The following SNX31 variants were observed in gnomAD, a reference collection of about 807,000 sequenced individuals.
The protein encoded by SNX31 is sorting nexin-31.
A neutral mutation model predicts 65.4 loss-of-function variants in SNX31; 58 were observed. The observed-to-expected ratio is 0.89, with a 90% CI of 0.72 to 1.10. SNX31 has a LOEUF of 1.10. SNX31 is among the 50% of genes least tolerant of loss of function. The pLI is 0.00. For synonymous variants in SNX31, 181 were observed against 190.1 expected, an observed-to-expected ratio of 0.95 and a Z score of 0.39; for missense variants, 523 against 529.7, an observed-to-expected ratio of 0.99 and a Z score of 0.12.
rs1236263687 is a variant in SNX31 at position 100,629,281 on chromosome 8, A to T, written c.321+1046T>A. 2.6e-5 allele frequency among the ~76,000 whole-genome samples: 4 copies of T among 152,152 alleles called. No homozygotes were observed. Among genetic ancestry groups the T allele is most frequent in the African/African-American group, 4.8e-5 (2 of 41,428 alleles). The stretch of plus-strand genomic sequence containing the variant: ...ACAACAGTTGTCACTGAGGAGGGGG[A>T]TCATAAGGGAAGAAAAGTTACTTTT... On this transcript the variant is annotated intron_variant, in intron 4 of 13. Coordinates refer to ENST00000311812, the MANE Select transcript of SNX31 (RefSeq NM_152628.4). The surrounding 1 kb of genome is among the most constrained non-coding windows in gnomAD (Gnocchi z 5.1).
intron 4 of SNX31, among the ~76,000 whole-genome samples, chr8:100,624,332 C>A (rs1817905470): frequency 6.6e-6 from 1 of 152,114 alleles, no homozygotes; most frequent in Non-Finnish European, 1.5e-5. Context: ...ATATAATTAA[C>A]CTCCATATTT....
chr8:100,631,087 C>G (rs1005432693), intron 3 of SNX31, among the ~76,000 whole-genome samples: 2 of 152,088 alleles, frequency 1.3e-5, no homozygotes, highest in Middle Eastern at 3.4e-3. Context: ...AGCACCCGGC[C>G]GAGAGCACCC....
chr8:100,647,657 AT>A, intron 2 of SNX31, among the ~76,000 whole-genome samples: 1 of 152,186 alleles, frequency 6.6e-6, no homozygotes, highest in Non-Finnish European at 1.5e-5. Flanking sequence ...TTTGCTTATT[AT>A]TTCTGATGAG....
chr8:100,649,473 G>A lies in SNX31; in HGVS notation c.42C>T (p.Ser14=), dbSNP rs1442246757. 2 of 1,584,622 alleles carry A rather than the reference G, an allele frequency of 1.3e-6. No individual in the cohort carries two copies. The highest frequency in any genetic ancestry group is 1.1e-5 in the South Asian group (1 of 87,072). Residue 14 remains serine, a synonymous_variant, in exon 1 of 14, where the codon TCC becomes TCT. Coordinates refer to ENST00000311812, the MANE Select transcript of SNX31 (RefSeq NM_152628.4). ...HFCIPVSQQR[S]DALGGRYVLY... is the part of the protein sequence containing the mutation. ...CCACGTAGCGGCCCCCCAGCGCGTCGGACCGCTGCTGGGACACCGGGATAC... is the reference window on the plus strand; with the variant it reads ...CCACGTAGCGGCCCCCCAGCGCGTCAGACCGCTGCTGGGACACCGGGATAC...
chr8:100,604,691 T>G lies in SNX31; in HGVS notation c.681+3803A>C. Among the ~76,000 whole-genome samples, 1 of 152,230 alleles carries G rather than the reference T, an allele frequency of 6.6e-6. No individual in the cohort carries two copies. Among genetic ancestry groups the G allele is most frequent in the African/African-American group, 2.4e-5 (1 of 41,456 alleles). ...TACTTACTTATAGTTTTAAATGCAATCTCTCATTTTTAAACTCAGGTTAAA... is the reference window on the plus strand; with the variant it reads ...TACTTACTTATAGTTTTAAATGCAAGCTCTCATTTTTAAACTCAGGTTAAA... On this transcript the variant is annotated intron_variant, in intron 8 of 13. Coordinates refer to ENST00000311812, the MANE Select transcript of SNX31 (RefSeq NM_152628.4). This position sits in a 1 kb window ranked among gnomAD's most constrained non-coding sequence, Gnocchi z 4.3.
In SNX31 at chr8:100,588,557, A is replaced by C. The variant is rs760545923; in HGVS notation, c.1092+309T>G. Among the ~76,000 whole-genome samples, 1 of 152,190 alleles carries C rather than the reference A, an allele frequency of 6.6e-6. No homozygotes were observed. The highest frequency in any genetic ancestry group is 1.5e-5 in the Non-Finnish European group (1 of 68,040). ...AGCAGTTGCAACAGAGACTGTATGG[A>C]TCTCAAATCCTAAAATATTTACTAT... On this transcript the variant is annotated intron_variant, in intron 11 of 13. Coordinates refer to ENST00000311812, the MANE Select transcript of SNX31 (RefSeq NM_152628.4). This position sits in a 1 kb window ranked among gnomAD's most constrained non-coding sequence, Gnocchi z 4.8.
rs1816812939 is a variant in SNX31, at chr8:100,612,628, C to T, written c.523+367G>A. Among the ~76,000 whole-genome samples, 1 of 152,130 alleles carries T rather than the reference C, an allele frequency of 6.6e-6. No homozygotes were observed. Among genetic ancestry groups the T allele is most frequent in the Non-Finnish European group, 1.5e-5 (1 of 68,032 alleles). On this transcript the variant is annotated intron_variant, in intron 6 of 13. Coordinates refer to ENST00000311812, the MANE Select transcript of SNX31 (RefSeq NM_152628.4). The surrounding 1 kb of genome is among the most constrained non-coding windows in gnomAD (Gnocchi z 4.3). Reference sequence around the variant, plus strand: ...GATACCATCCACAAATATTCCTTAACAAGGAGAAATGATGCTGTGGTGGGG... The same window carrying T: ...GATACCATCCACAAATATTCCTTAATAAGGAGAAATGATGCTGTGGTGGGG...
rs1816471243 is a variant in SNX31 at position 100,609,110 on chromosome 8, T to A, written c.612-547A>T. 6.6e-6 allele frequency among the ~76,000 whole-genome samples: 1 copy of A among 152,176 alleles called. No individual in the cohort carries two copies. Among genetic ancestry groups the A allele is most frequent in the South Asian group, 2.1e-4 (1 of 4,830 alleles). On this transcript the variant is annotated intron_variant, in intron 7 of 13. Coordinates refer to ENST00000311812, the MANE Select transcript of SNX31 (RefSeq NM_152628.4). The surrounding 1 kb of genome is among the most constrained non-coding windows in gnomAD (Gnocchi z 4.9). Reference sequence around the variant, plus strand: ...TCCTGGAGTTAGATATTTATTCTACTCACTTTCAAGGCCCTTCCGGGGACC... The same window carrying A: ...TCCTGGAGTTAGATATTTATTCTACACACTTTCAAGGCCCTTCCGGGGACC...
intron 4 of SNX31, 120 bp from the exon 5 acceptor site, chr8:100,617,850 T>A (rs1342734604): frequency 5.1e-6 from 4 of 784,364 alleles, no homozygotes; most frequent in Non-Finnish European, 7.9e-6. Flanking sequence ...CTGCAACCTC[T>A]GCCTCCTGGG....
At chr8:100,649,075 C>G (rs1819846146) in intron 2 of SNX31, among the ~76,000 whole-genome samples, 199 bp downstream of exon 2, 1 of 152,228 alleles carries the variant, frequency 6.6e-6, no homozygotes, top group South Asian at 2.1e-4. Context: ...TGTAGGCGAC[C>G]AGGAGCCGCA....
chr8:100,641,565 A>AAAAAAAAAAT (rs1554587369), intron 2 of SNX31, among the ~76,000 whole-genome samples: 3 of 32,106 alleles, frequency 9.3e-5, no homozygotes, highest in African/African-American at 2.7e-4. Context: ...AAAAAAAAAA[A>AAAAAAAAAAT]ATATATATAT....
chr8:100,621,208 A>T (rs1267318574), intron 4 of SNX31, among the ~76,000 whole-genome samples: 1 of 152,076 alleles, frequency 6.6e-6, no homozygotes, highest in Non-Finnish European at 1.5e-5. Flanking sequence ...CAGAGGCAAA[A>T]CTCAAGGCCA....
At chr8:100,643,374 T>C (rs1419488162) in intron 2 of SNX31, among the ~76,000 whole-genome samples, 1 of 152,094 alleles carries the variant, frequency 6.6e-6, no homozygotes, top group Non-Finnish European at 1.5e-5. Flanking sequence ...AAAATGGTGA[T>C]GGCCTGGGAC....
intron 2 of SNX31, among the ~76,000 whole-genome samples, chr8:100,641,585 TATATATATATACACATAC>T (rs1464608562): frequency 8.1e-4 from 19 of 23,364 alleles, no homozygotes; most frequent in African/African-American, 2.1e-3. Context: ...TATATATATA[TATATATATATACACATAC>T]ACACACACAC....
At chr8:100,607,729 T>C (rs997059385) in intron 8 of SNX31, among the ~76,000 whole-genome samples, 3 of 152,234 alleles carry the variant, frequency 2.0e-5, no homozygotes, top group African/African-American at 7.2e-5. Flanking sequence ...GATGGGATTA[T>C]TACACACTGC....
chr8:100,626,084 G>C lies in SNX31; in HGVS notation c.321+4243C>G, dbSNP rs1422145509. 6.6e-6 allele frequency among the ~76,000 whole-genome samples: 1 copy of C among 152,102 alleles called. No homozygotes were observed. The highest frequency in any genetic ancestry group is 1.9e-4 in the East Asian group (1 of 5,200). On this transcript the variant is annotated intron_variant, in intron 4 of 13. Transcript: ENST00000311812. The surrounding 1 kb of genome is among the most constrained non-coding windows in gnomAD (Gnocchi z 4.4). ...TCTACTAAAATACAAAAATTAACTG[G>C]GTGTGGTGGCATGCGCCTGTAGTCC...
chr8:100,618,107 CA>C (rs772739598), intron 4 of SNX31: 88 of 985,400 alleles, frequency 8.9e-5, no homozygotes, highest in Non-Finnish European at 6.5e-5. Context: ...AGCAAGCGAA[CA>C]ATCCACAGCT....
At chr8:100,652,273 C>A (rs138294405), upstream of SNX31, among the ~76,000 whole-genome samples, 882 of 152,270 alleles carry the variant, frequency 5.8e-3, 16 homozygotes, top group African/African-American at 0.02. Context: ...CCACCGCGCC[C>A]GGCCCACAGG....
chr8:100,604,621 C>T lies in SNX31; in HGVS notation c.681+3873G>A, dbSNP rs1265218411. On this transcript the variant is annotated intron_variant, in intron 8 of 13. Coordinates refer to ENST00000311812, the MANE Select transcript of SNX31 (RefSeq NM_152628.4). This position sits in a 1 kb window ranked among gnomAD's most constrained non-coding sequence, Gnocchi z 4.3. ...CATCACTGTCCAGGCCAGCAATGGC[C>T]CCGCTGAAATGCAGGCCCAGAATTG... 6.6e-6 allele frequency among the ~76,000 whole-genome samples: 1 copy of T among 152,228 alleles called. No individual in the cohort carries two copies. Among genetic ancestry groups the T allele is most frequent in the African/African-American group, 2.4e-5 (1 of 41,456 alleles).
Sources: gnomAD v4.1 joint callset for allele counts (sites outside exome capture counted in the v4.1 genomes callset) on GRCh38, gnomAD v4.1.1 for gene constraint, Gnocchi (gnomAD v3.1) non-coding constraint, MANE v1.5 for transcripts, NCBI Gene and HGNC (gene_info 2026-07-23, HGNC 2026-07-21) for gene names.